Variants in RNF4 observed in about 807,000 individuals in gnomAD.
RNF4 encodes the protein ring finger protein 4.
A neutral mutation model predicts 24.3 loss-of-function variants in RNF4; 7 were observed. The observed-to-expected ratio is 0.29, with a 90% CI of 0.16 to 0.54. The LOEUF (loss-of-function observed/expected upper bound fraction) is 0.54. RNF4 is among the 20% of genes least tolerant of loss of function. The pLI is 0.95. For missense variants in RNF4, 209 were observed against 248.5 expected (o/e 0.84, Z 1.07); for synonymous variants, 83 against 84.3 (o/e 0.98, Z 0.09).
chr4:2,512,055 C>A lies in RNF4; in HGVS notation c.214+90C>A. 2.3e-6 allele frequency: 3 copies of A among 1,295,248 alleles called. No individual in the cohort carries two copies. The highest frequency in any genetic ancestry group is 1.3e-5 in the South Asian group (1 of 77,708). The allele number at this position is 1,295,248 out of a possible 1,614,324, so 80.2% of individuals were successfully genotyped here. A position where few individuals can be genotyped will look rare whatever the true frequency, so the allele number is the denominator to read the frequency against. ...GTGCTGCAGGTCTTGCCAGACCATC[C>A]CCAAGGGCTTGGAGCGCTCCAAGCA... On this transcript the variant is annotated intron_variant, in intron 5 of 7. Coordinates refer to ENST00000314289, the MANE Select transcript of RNF4 (RefSeq NM_002938.5). This position sits in a 1 kb window ranked among gnomAD's most constrained non-coding sequence, Gnocchi z 4.1.
At chr4:2,476,348 A>G (rs1458686460) in intron 1 of RNF4, among the ~76,000 whole-genome samples, 1 of 152,188 alleles carries the variant, frequency 6.6e-6, no homozygotes, top group Non-Finnish European at 1.5e-5. Flanking sequence ...TGCCTCAGGT[A>G]GAAATGTTCT....
rs758846809 is a variant in RNF4 at position 2,490,514 on chromosome 4, C to T, written c.9+12C>T. On this transcript the variant is annotated intron_variant, in intron 2 of 7. Coordinates refer to ENST00000314289, the MANE Select transcript of RNF4 (RefSeq NM_002938.5). Reference sequence around the variant, plus strand: ...GCACAATGAGTACAGTAAGTTTTATCATCTCTTGAATTTTTAATTTTGTAG... The same window carrying T: ...GCACAATGAGTACAGTAAGTTTTATTATCTCTTGAATTTTTAATTTTGTAG... 144 of 1,610,516 alleles carry T rather than the reference C, an allele frequency of 8.9e-5. No individual in the cohort carries two copies. Among genetic ancestry groups the T allele is most frequent in the Non-Finnish European group, 1.2e-4 (137 of 1,178,288 alleles).
In RNF4 at chr4:2,499,518, C is replaced by A. The variant is rs113054000; in HGVS notation, c.125-1141C>A. The A allele has an allele frequency of 6.3e-3, 1,699 of 271,718 alleles. 11 individuals are homozygous for A. The highest frequency in any genetic ancestry group is 8.8e-3 in the Non-Finnish European group (1,195 of 136,346). The allele number at this position is 271,718 out of a possible 1,614,324, so 16.8% of individuals were successfully genotyped here. On this transcript the variant is annotated intron_variant, in intron 3 of 7. Transcript: ENST00000314289. ...CTCGAACTCTCAACCTCAGGTGATC[C>A]GCCCACCTCAGCCTCCCAAAGTGCT...
rs1005505062 is a variant in RNF4 at position 2,515,712 on chromosome 4, G to A, written c.*1893G>A. The A allele has an allele frequency of 6.6e-5, 10 of 152,434 alleles. No homozygotes were observed. The highest frequency in any genetic ancestry group is 2.2e-4 in the African/African-American group (9 of 41,404). The allele number at this position is 152,434 out of a possible 1,614,324, so 9.4% of individuals were successfully genotyped here. ...AGAAACTGCGAACTAGGGAAAGGTT[G>A]GTATGAAGAAATGTCTTTCCTTTTT... On this transcript the variant is annotated 3_prime_UTR_variant, in exon 8 of 8. Transcript: ENST00000314289.
At chr4:2,491,847 C>A (rs1302048866) in intron 2 of RNF4, among the ~76,000 whole-genome samples, 1 of 151,922 alleles carries the variant, frequency 6.6e-6, no homozygotes, top group Non-Finnish European at 1.5e-5. Context: ...AATCCTTTCA[C>A]CTCAGCATCC....
chr4:2,508,253 T>C (rs1390335236), intron 4 of RNF4, among the ~76,000 whole-genome samples: 1 of 152,222 alleles, frequency 6.6e-6, no homozygotes, highest in Non-Finnish European at 1.5e-5. Flanking sequence ...GGTTTTTCAC[T>C]TATCTTAAAA....
At chr4:2,504,525 T>TTTATTTAG (rs760842946) in intron 4 of RNF4, among the ~76,000 whole-genome samples, 1,570 of 20,100 alleles carry the variant, frequency 0.078, 41 homozygotes, top group Non-Finnish European at 0.075. Context: ...TTTTATAGCT[T>TTTATTTAG]TTATTTATTT....
chr4:2,483,038 C>CA (rs1196894913), intron 1 of RNF4, among the ~76,000 whole-genome samples: 1 of 152,202 alleles, frequency 6.6e-6, no homozygotes, highest in African/African-American at 2.4e-5. Flanking sequence ...TAATAGCACT[C>CA]ATACCTGTAA....
chr4:2,501,212 A>C (rs564920014), intron 4 of RNF4, among the ~76,000 whole-genome samples: 1 of 152,392 alleles, frequency 6.6e-6, no homozygotes, highest in South Asian at 2.1e-4. Flanking sequence ...CTTACAACAG[A>C]TGCCGTGTTT....
At position 2,512,559 on chromosome 4, in the gene RNF4, T is replaced by G; in HGVS notation, c.336T>G (p.Thr112=). The G allele has an allele frequency of 6.2e-7, 1 of 1,613,878 alleles. No individual in the cohort carries two copies. The highest frequency in any genetic ancestry group is 8.5e-7 in the Non-Finnish European group (1 of 1,179,818). ...GAGACGTATATGTGACTACCCATAC[T>G]CCCAGAAACGCCAGGGATGAGGGCG... ...RDRDVYVTTH[T]PRNARDEGAT... is the part of the protein sequence containing the mutation. The change falls in exon 6 of 8, where the codon ACT becomes ACG. Residue 112 remains threonine, a synonymous_variant. Coordinates refer to ENST00000314289, the MANE Select transcript of RNF4 (RefSeq NM_002938.5). This position sits in a 1 kb window ranked among gnomAD's most constrained non-coding sequence, Gnocchi z 4.1.
chr4:2,489,968 G>A (rs17132647), intron 1 of RNF4: 12,280 of 153,922 alleles, frequency 0.08, 665 homozygotes, highest in Admixed American at 0.12. Context: ...AGAACCTGAG[G>A]CTCTGAGCTG....
chr4:2,480,244 TAG>T (rs945730050), intron 1 of RNF4: 6 of 151,174 alleles, frequency 4.0e-5, no homozygotes, highest in African/African-American at 1.2e-4. Context: ...TGCCTGGCCC[TAG>T]AGCTTGATAA....
intron 1 of RNF4, among the ~76,000 whole-genome samples, chr4:2,481,742 C>CT (rs1191536486): frequency 6.6e-6 from 1 of 152,068 alleles, no homozygotes; most frequent in African/African-American, 2.4e-5. Flanking sequence ...GAGTCTCGCT[C>CT]TATCACCGAG....
chr4:2,485,994 G>C (rs143968265), intron 1 of RNF4, among the ~76,000 whole-genome samples: 2 of 152,170 alleles, frequency 1.3e-5, no homozygotes, highest in Non-Finnish European at 2.9e-5. Context: ...TGGAATTGAT[G>C]TATTTGATTC....
intron 2 of RNF4, among the ~76,000 whole-genome samples, chr4:2,491,653 G>A (rs564698511): frequency 6.6e-6 from 1 of 152,176 alleles, no homozygotes; most frequent in South Asian, 2.1e-4. Flanking sequence ...TGTTGGCCAG[G>A]CTGGTCTCAA....
At chr4:2,510,788 G>GC (rs1330474871) in intron 4 of RNF4, among the ~76,000 whole-genome samples, 3 of 152,160 alleles carry the variant, frequency 2.0e-5, no homozygotes, top group East Asian at 1.9e-4. Context: ...CGTTCCACTG[G>GC]CCCCCCTAGA....
intron 3 of RNF4, 45 bp downstream of exon 3, chr4:2,497,166 G>C: frequency 1.4e-6 from 2 of 1,440,262 alleles, no homozygotes; most frequent in Non-Finnish European, 1.9e-6. Context: ...TTAAAGTGGA[G>C]AGAGAACACT....
At position 2,469,208 on chromosome 4, in the gene RNF4, C is replaced by CT. The variant is rs1560395798; in HGVS notation, c.-207dup. ...CTCCGGAGTGCGCCGGCGGTGGCGC[C>CT]TGCGGACCTAACTAGCTCCAGGTTA... On this transcript the variant is annotated 5_prime_UTR_variant, in exon 1 of 8. Transcript: ENST00000314289. 6.6e-6 allele frequency: 1 copy of CT among 152,228 alleles called. No homozygotes were observed. The highest frequency in any genetic ancestry group is 1.9e-4 in the East Asian group (1 of 5,170). 9.4% of individuals were successfully genotyped at this position (152,228 alleles called of 1,614,324 possible). A position where few individuals can be genotyped will look rare whatever the true frequency, so the allele number is the denominator to read the frequency against.
At chr4:2,491,139 G>A (rs959068635) in intron 2 of RNF4, among the ~76,000 whole-genome samples, 2 of 152,140 alleles carry the variant, frequency 1.3e-5, no homozygotes, top group African/African-American at 2.4e-5. Context: ...GACATTCTTG[G>A]TTCATTCAGT....
Sources: allele counts gnomAD v4.1 joint callset (sites outside exome capture counted in the v4.1 genomes callset), GRCh38; gene constraint gnomAD v4.1.1; non-coding constraint Gnocchi (gnomAD v3.1); transcripts MANE v1.5; gene names NCBI Gene and HGNC (gene_info 2026-07-23, HGNC 2026-07-21).